Variants in ECPAS observed in about 807,000 individuals in gnomAD.
The protein encoded by ECPAS is Ecm29 proteasome adaptor and scaffold.
Under a neutral mutation model 255.1 loss-of-function variants are expected in ECPAS, and 70 were observed. The observed-to-expected ratio is 0.27, with a 90% CI of 0.23 to 0.33. The LOEUF (loss-of-function observed/expected upper bound fraction) is 0.33. Among genes scored for constraint, ECPAS ranks in the 10% least tolerant of loss-of-function variants. ECPAS has a pLI of 1.00. For synonymous variants in ECPAS, 784 were observed against 775.0 expected (o/e 1.01, Z -0.19); for missense variants, 1,817 against 2,206.4 (o/e 0.82, Z 3.54).
At chr9:111,455,218 T>C (rs770999584) in intron 2 of ECPAS, among the ~76,000 whole-genome samples, 6 of 152,272 alleles carry the variant, frequency 3.9e-5, no homozygotes, top group East Asian at 1.9e-4. Context: ...TGGCACATGG[T>C]TCACGCCTGT....
At chr9:111,368,444 C>G (rs1280568400) in intron 46 of ECPAS, among the ~76,000 whole-genome samples, 5 of 152,132 alleles carry the variant, frequency 3.3e-5, no homozygotes. Context: ...ATCAGTAGAA[C>G]TCGTCTATCA....
At chr9:111,435,304 A>G (rs1427817368) in intron 7 of ECPAS, among the ~76,000 whole-genome samples, 1 of 152,214 alleles carries the variant, frequency 6.6e-6, no homozygotes, top group Non-Finnish European at 1.5e-5. Flanking sequence ...AAACAAAGAG[A>G]TATTTTAAAA....
intron 24 of ECPAS, among the ~76,000 whole-genome samples, chr9:111,403,191 G>GAAAAAA (rs34002065): frequency 8.3e-6 from 1 of 120,862 alleles, no homozygotes. Context: ...CATCTCTACT[G>GAAAAAA]AAAAAAAAAA....
intron 48 of ECPAS, chr9:111,366,020 A>C: frequency 1.9e-6 from 1 of 520,152 alleles, no homozygotes; most frequent in Non-Finnish European, 3.4e-6. Context: ...TTGTAAAAAT[A>C]CTTGTCACGA....
intron 6 of ECPAS, among the ~76,000 whole-genome samples, chr9:111,439,933 T>C (rs767847097): frequency 1.3e-5 from 2 of 152,112 alleles, no homozygotes; most frequent in South Asian, 2.1e-4. Context: ...GCAAATGATA[T>C]TGCAGCAACA....
intron 24 of ECPAS, among the ~76,000 whole-genome samples, chr9:111,406,918 CA>C (rs1482366000): frequency 2.6e-4 from 38 of 148,380 alleles, no homozygotes; most frequent in Non-Finnish European, 3.4e-4. Context: ...TAAAAGAAAC[CA>C]AAAAAACCTT....
chr9:111,459,742 C>T (rs914522466), intron 2 of ECPAS, among the ~76,000 whole-genome samples: 2 of 152,164 alleles, frequency 1.3e-5, no homozygotes, highest in South Asian at 2.1e-4. Flanking sequence ...AATGATACAA[C>T]TCACAATTAT....
intron 3 of ECPAS, among the ~76,000 whole-genome samples, chr9:111,450,981 G>A (rs1380879835): frequency 1.3e-5 from 2 of 152,120 alleles, no homozygotes; most frequent in African/African-American, 4.8e-5. Flanking sequence ...CCAACTTTTT[G>A]TAAGAGTACT....
At position 111,451,525 on chromosome 9, in the gene ECPAS, C is replaced by T; in HGVS notation, c.53G>A (p.Gly18Asp). 1.3e-6 allele frequency: 2 copies of T among 1,575,034 alleles called. No individual in the cohort carries two copies. The highest frequency in any genetic ancestry group is 1.8e-5 in the Admixed American group (1 of 54,208). The change falls in exon 3 of 50, where the codon GGC becomes GAC. Residue 18 changes from glycine to aspartate, a missense_variant. Physicochemically the swap from Gly to Asp is moderately conservative, Grantham distance 94 (BLOSUM62 -1). This residue lies in a region of ECPAS where 90 missense variants were observed against 158.5 expected (regional missense o/e 0.57). Transcript: ENST00000684092. ...DQLERVFLRL[G>D]HAETDEQLQN... ...TAATTGTTCATCTGTTTCAGCATGG[C>T]CAAGTCGTAAAAAGACCCGTTCAAG...
chr9:111,432,869 A>G (rs2098232206), intron 8 of ECPAS, among the ~76,000 whole-genome samples: 1 of 152,226 alleles, frequency 6.6e-6, no homozygotes, highest in Non-Finnish European at 1.5e-5. Context: ...TAATACATAC[A>G]TAGTCTTTAT....
Position 111,370,637 on chromosome 9 carries a change from C to A in ECPAS, c.4782-10G>T. On this transcript the variant is annotated splice_polypyrimidine_tract_variant and intron_variant, in intron 44 of 49. Coordinates refer to ENST00000684092, the MANE Select transcript of ECPAS (RefSeq NM_001364929.1). Reference sequence around the variant, plus strand: ...CTTTTCCAGCTCTGCACTACAGGGTCCATACAAAAGCATCAGAAGTTAATA... The same window carrying A: ...CTTTTCCAGCTCTGCACTACAGGGTACATACAAAAGCATCAGAAGTTAATA... The A allele has an allele frequency of 6.2e-7, 1 of 1,609,180 alleles. No individual in the cohort carries two copies. The highest frequency in any genetic ancestry group is 1.1e-5 in the South Asian group (1 of 90,208).
chr9:111,407,942 A>G (rs1009020721), intron 24 of ECPAS, among the ~76,000 whole-genome samples: 1 of 152,236 alleles, frequency 6.6e-6, no homozygotes, highest in Non-Finnish European at 1.5e-5. Context: ...ATGATGGCAC[A>G]AGTAACTAAA....
intron 48 of ECPAS, among the ~76,000 whole-genome samples, chr9:111,365,288 T>TATC (rs143492409): frequency 0.16 from 23,447 of 147,504 alleles, 2,445 homozygotes; most frequent in East Asian, 0.35. Context: ...TAATAACCAT[T>TATC]ATCATCATCA....
intron 33 of ECPAS, 39 bp from the exon 34 acceptor site, chr9:111,384,608 A>T (rs181654127): frequency 1.3e-6 from 2 of 1,584,882 alleles, no homozygotes; most frequent in Non-Finnish European, 1.7e-6. Flanking sequence ...CAAGTTAGAG[A>T]GTTTCACTAT....
At position 111,422,028 on chromosome 9, in the gene ECPAS, G is replaced by C. The variant is rs2098214776; in HGVS notation, c.1348C>G (p.Arg450Gly). The change falls in exon 15 of 50, where the codon CGA becomes GGA. Residue 450 changes from arginine to glycine, a missense_variant. Around this residue, in one of 4 missense-constraint regions of ECPAS, gnomAD observed 573 missense variants for 716.2 expected, o/e 0.80. Coordinates refer to ENST00000684092, the MANE Select transcript of ECPAS (RefSeq NM_001364929.1). ...GATAAAGCTTCTTGAATAGCAAGTC[G>C]AGTCTCAGGCTCTTCCTATAAAGAT... ...EALCKEEPET[R>G]LAIQEALSMM... 6.2e-7 allele frequency: 1 copy of C among 1,613,680 alleles called. No individual in the cohort carries two copies.
chr9:111,413,933 G>A lies in ECPAS; in HGVS notation c.2041C>T (p.Leu681=). The A allele has an allele frequency of 1.3e-6, 2 of 1,589,356 alleles. No individual in the cohort carries two copies. Among genetic ancestry groups the A allele is most frequent in the South Asian group, 1.1e-5 (1 of 87,124 alleles). ...GTTTTGTCTACAAATTTGGTAGCCA[G>A]CTTTTCTGGATACACTGACACAGCT... ...LEAVSVYPEK[L]ATKFVDKTEW... Residue 681 remains leucine (L), a synonymous_variant, in exon 20 of 50, where the codon CTG becomes TTG. Coordinates refer to ENST00000684092, the MANE Select transcript of ECPAS (RefSeq NM_001364929.1).
chr9:111,439,781 A>G (rs2098243264), intron 6 of ECPAS, among the ~76,000 whole-genome samples: 1 of 152,086 alleles, frequency 6.6e-6, no homozygotes, highest in South Asian at 2.1e-4. Context: ...AATCGGGAAA[A>G]GCATAGAGAG....
chr9:111,420,305 T>G (rs963937980), intron 15 of ECPAS, among the ~76,000 whole-genome samples, 185 bp from the exon 16 acceptor site: 6 of 152,256 alleles, frequency 3.9e-5, no homozygotes, highest in African/African-American at 1.4e-4. Context: ...TCTTTAATCA[T>G]GTTGTTTAAG....
At chr9:111,400,976 C>T (rs1019393342) in intron 24 of ECPAS, among the ~76,000 whole-genome samples, 10 of 151,996 alleles carry the variant, frequency 6.6e-5, no homozygotes, top group African/African-American at 2.2e-4. Flanking sequence ...ATAATAAACT[C>T]ACAAAGGTCA....
Sources: gnomAD v4.1 joint callset for allele counts (sites outside exome capture counted in the v4.1 genomes callset) on GRCh38, gnomAD v4.1.1 for gene constraint, gnomAD v4.1.1 regional missense constraint, MANE v1.5 for transcripts, NCBI Gene and HGNC (gene_info 2026-07-23, HGNC 2026-07-21) for gene names.